Variants in UBR1 observed in about 807,000 individuals in gnomAD.
UBR1 encodes ubiquitin protein ligase E3 component n-recognin 1.
In UBR1, 102 loss-of-function variants were observed where a neutral mutation model predicts 242.1. The observed-to-expected ratio is 0.42, with a 90% CI of 0.36 to 0.50. UBR1 has a LOEUF of 0.50. Ranked by LOEUF, UBR1 falls within the 20% of genes least tolerant of loss-of-function variation. The pLI, the probability that UBR1 is intolerant of heterozygous loss-of-function variation, is 0.01. For missense variants in UBR1, 1,772 were observed against 2,101.8 expected (o/e 0.84, Z 3.07); for synonymous variants, 675 against 684.8 (o/e 0.99, Z 0.22).
chr15:43,074,482 G>A (rs2033861815), intron 4 of UBR1, among the ~76,000 whole-genome samples: 2 of 152,144 alleles, frequency 1.3e-5, no homozygotes, highest in Non-Finnish European at 2.9e-5. Context: ...AGGATGGAGT[G>A]CAGTGGCATG....
chr15:43,037,744 A>G, intron 17 of UBR1, 29 bp downstream of exon 17: 1 of 1,596,554 alleles, frequency 6.3e-7, no homozygotes, highest in East Asian at 2.2e-5. Context: ...GAGCACATTC[A>G]TAAATATGAA....
intron 42 of UBR1, 68 bp from the exon 43 acceptor site, chr15:42,960,769 C>T: frequency 6.5e-7 from 1 of 1,527,404 alleles, no homozygotes. Flanking sequence ...TGTCAACAAG[C>T]CATTCTCTTT....
chr15:43,014,482 T>C (rs1451437267), intron 29 of UBR1, among the ~76,000 whole-genome samples: 2 of 148,436 alleles, frequency 1.3e-5, no homozygotes, highest in Admixed American at 6.7e-5. Context: ...GTGAGGAGCG[T>C]CTCTGCCGGG....
In UBR1 at chr15:43,037,852, T is replaced by C. The variant is rs1482663363; in HGVS notation, c.1943A>G (p.Tyr648Cys). ...EDFQVEVLVE[Y>C]PLRCLVLVAQ... ...AACCAACACCAGACAACGTAAAGGA[T>C]ATTCCACTAGTACCTCTACTTGAAA... The change falls in exon 17 of 47, where the codon TAT becomes TGT. Residue 648 changes from tyrosine (Y) to cysteine (C), a missense_variant. This residue lies in a region of UBR1 where 734 missense variants were observed against 893.3 expected (regional missense o/e 0.82). Coordinates refer to ENST00000290650, the MANE Select transcript of UBR1 (RefSeq NM_174916.3). 6.2e-7 allele frequency: 1 copy of C among 1,614,122 alleles called. No homozygotes were observed. Among genetic ancestry groups the C allele is most frequent in the South Asian group, 1.1e-5 (1 of 91,072 alleles).
intron 29 of UBR1, among the ~76,000 whole-genome samples, chr15:43,012,418 A>G (rs1286881090): frequency 6.6e-6 from 1 of 152,194 alleles, no homozygotes; most frequent in African/African-American, 2.4e-5. Context: ...GTCTAAGAAC[A>G]ATGATAATTT....
In UBR1 at chr15:43,056,241, G is replaced by C; in HGVS notation, c.1281+103C>G. The C allele has an allele frequency of 1.2e-5, 11 of 945,862 alleles. No individual in the cohort carries two copies. In the South Asian group the frequency reaches 1.2e-4, roughly 10 times the overall value. The allele number at this position is 945,862 out of a possible 1,614,324, so 58.6% of individuals were successfully genotyped here. A position where few individuals can be genotyped will look rare whatever the true frequency, so the allele number is the denominator to read the frequency against. On this transcript the variant is annotated intron_variant, in intron 11 of 46. Coordinates refer to ENST00000290650, the MANE Select transcript of UBR1 (RefSeq NM_174916.3). ...TAAAGTATTCACATAGCCCAACTTA[G>C]TGATTCTAACATTGTTCTAATTTGA...
chr15:43,038,252 A>G lies in UBR1; in HGVS notation c.1850-20T>C. On this transcript the variant is annotated intron_variant, in intron 15 of 46. Transcript: ENST00000290650. ...GAAGACCTAAAGTTAAAAAAACGAGAGAGAAAATGAGAAAACAAACCCAAT... is the reference window on the plus strand; with the variant it reads ...GAAGACCTAAAGTTAAAAAAACGAGGGAGAAAATGAGAAAACAAACCCAAT... 2 of 1,613,200 alleles carry G rather than the reference A, an allele frequency of 1.2e-6. No individual in the cohort carries two copies. The highest frequency in any genetic ancestry group is 1.7e-6 in the Non-Finnish European group (2 of 1,179,202).
intron 3 of UBR1, among the ~76,000 whole-genome samples, chr15:43,078,126 GAA>G (rs2033929863): frequency 6.6e-6 from 1 of 152,114 alleles, no homozygotes. Context: ...CTGAAACACA[GAA>G]AAAAGTCACC....
rs1567124875 is a variant in UBR1, at chr15:43,011,981, C to T, written c.3209+3707G>A. On this transcript the variant is annotated intron_variant, in intron 29 of 46. Transcript: ENST00000290650. ...GTGGCTCACGCCTGTAATCCCAGCG[C>T]TTTGGGAGGCCGAGGTGGGCGGATC... 4 of 440,870 alleles carry T rather than the reference C, an allele frequency of 9.1e-6. No individual in the cohort carries two copies. In the East Asian group the frequency reaches 2.9e-4, roughly 32 times the overall value. The allele number at this position is 440,870 out of a possible 1,614,324, so 27.3% of individuals were successfully genotyped here.
rs558143443 is a variant in UBR1 at position 43,021,075 on chromosome 15, AC to A, written c.2940+199del. On this transcript the variant is annotated intron_variant, in intron 27 of 46. Transcript: ENST00000290650. ...TTTCAGTAAAGTTGACTAAATAACG[AC>A]AAAAAAAATGAATAAATCTTAGTTT... 8.2e-4 allele frequency: 400 copies of A among 490,610 alleles called. 1 individual carries two copies. The highest frequency in any genetic ancestry group is 7.3e-3 in the African/African-American group (373 of 51,346). 30.4% of individuals were successfully genotyped at this position (490,610 alleles called of 1,614,324 possible).
chr15:43,093,583 C>T (rs1283331342), intron 1 of UBR1, among the ~76,000 whole-genome samples: 1 of 152,026 alleles, frequency 6.6e-6, no homozygotes, highest in East Asian at 1.9e-4. Context: ...AAGTTCAAGA[C>T]CAGCGTAGGC....
chr15:43,043,312 T>C lies in UBR1; in HGVS notation c.1752A>G (p.Thr584=). The change falls in exon 15 of 47, where the codon ACA becomes ACG. Residue 584 remains threonine, a synonymous_variant. Coordinates refer to ENST00000290650, the MANE Select transcript of UBR1 (RefSeq NM_174916.3). ...AACTATGTCCACACGATTGTACTAC[T>C]GTCTTGCTACTAGATATGAAACTGG... The part of the protein sequence containing the change: ...CSTSFISSSK[T]VVQSCGHSLE... The C allele has an allele frequency of 6.2e-7, 1 of 1,614,196 alleles. No homozygotes were observed. The highest frequency in any genetic ancestry group is 8.5e-7 in the Non-Finnish European group (1 of 1,180,024).
In UBR1 at chr15:43,038,004, C is replaced by T. The variant is rs142808355; in HGVS notation, c.1912-121G>A. The T allele has an allele frequency of 1.0e-3, 1,189 of 1,186,522 alleles. 4 individuals carry two copies. The highest frequency in any genetic ancestry group is 6.1e-3 in the Middle Eastern group (32 of 5,270). The allele number at this position is 1,186,522 out of a possible 1,614,324, so 73.5% of individuals were successfully genotyped here. A position where few individuals can be genotyped will look rare whatever the true frequency, so the allele number is the denominator to read the frequency against. On this transcript the variant is annotated intron_variant, in intron 16 of 46. Transcript: ENST00000290650. ...AAATGGAAGAGCTTGAACTAGATGACGTCTAAGTCCCTGTGACTCAGATTA... is the reference window on the plus strand; with the variant it reads ...AAATGGAAGAGCTTGAACTAGATGATGTCTAAGTCCCTGTGACTCAGATTA...
At chr15:43,056,900 T>C (rs967281335) in intron 10 of UBR1, among the ~76,000 whole-genome samples, 1 of 152,226 alleles carries the variant, frequency 6.6e-6, no homozygotes, top group Non-Finnish European at 1.5e-5. Context: ...GAATGGATGC[T>C]GGCTGCAAAT....
chr15:43,099,020 CA>C (rs1435344853), intron 1 of UBR1, among the ~76,000 whole-genome samples: 1 of 152,090 alleles, frequency 6.6e-6, no homozygotes, highest in Non-Finnish European at 1.5e-5. Flanking sequence ...ATATTGAAGT[CA>C]AGAGATTATG....
chr15:43,031,266 A>T (rs757638532), intron 20 of UBR1, among the ~76,000 whole-genome samples: 9 of 152,206 alleles, frequency 5.9e-5, no homozygotes, highest in Non-Finnish European at 5.9e-5. Context: ...CAAGAAAAAA[A>T]AAACAATAAA....
rs1318121585 is a variant in UBR1, at chr15:43,036,613, A to C, written c.2023-20T>G. The C allele has an allele frequency of 6.9e-7, 1 of 1,441,372 alleles. No individual in the cohort carries two copies. The highest frequency in any genetic ancestry group is 1.4e-5 in the African/African-American group (1 of 71,308). 89.3% of individuals were successfully genotyped at this position (1,441,372 alleles called of 1,614,324 possible). A position where few individuals can be genotyped will look rare whatever the true frequency, so the allele number is the denominator to read the frequency against. ...AAACACCTATAAGGTAATAGGTAGA[A>C]TAAATCCTAAAAGAATTATTTTATT... On this transcript the variant is annotated intron_variant, in intron 17 of 46. Transcript: ENST00000290650.
intron 3 of UBR1, among the ~76,000 whole-genome samples, chr15:43,075,701 T>G (rs1386541748): frequency 1.3e-5 from 2 of 151,380 alleles, no homozygotes; most frequent in African/African-American, 2.4e-5. Context: ...CCGCAACCTC[T>G]GCCTCCCGGG....
intron 1 of UBR1, among the ~76,000 whole-genome samples, chr15:43,094,895 C>T (rs930665001): frequency 4.6e-5 from 7 of 152,102 alleles, no homozygotes; most frequent in Middle Eastern, 3.2e-3. Flanking sequence ...GTTGAGATAA[C>T]GTATAAGCAT....
Sources: gnomAD v4.1 joint callset for allele counts (sites outside exome capture counted in the v4.1 genomes callset) on GRCh38, gnomAD v4.1.1 for gene constraint, gnomAD v4.1.1 regional missense constraint, MANE v1.5 for transcripts, NCBI Gene and HGNC (gene_info 2026-07-23, HGNC 2026-07-21) for gene names.